The following ARHGEF38 variants were observed in gnomAD, a reference collection of about 807,000 sequenced individuals.
ARHGEF38 encodes Rho guanine nucleotide exchange factor 38.
Under a neutral mutation model 79.9 loss-of-function variants are expected in ARHGEF38, and 79 were observed. That is an observed-to-expected ratio of 0.99 (90% CI 0.82 to 1.19). ARHGEF38 has a LOEUF of 1.19. ARHGEF38 is among the 50% of genes most tolerant of loss of function. ARHGEF38 has a pLI of 0.00. For missense variants in ARHGEF38, 962 were observed against 907.2 expected (o/e 1.06, Z -0.78); for synonymous variants, 366 against 328.3 (o/e 1.11, Z -1.24).
intron 9 of ARHGEF38, among the ~76,000 whole-genome samples, chr4:105,656,046 C>T (rs1015856556): frequency 2.0e-5 from 3 of 151,992 alleles, no homozygotes; most frequent in African/African-American, 7.2e-5. Context: ...GAAAGCTTTG[C>T]TTTTCTTTTT....
At chr4:105,574,999 T>C (rs199315) in intron 1 of ARHGEF38, among the ~76,000 whole-genome samples, 130,101 of 151,250 alleles carry the variant, frequency 0.86, 55,994 homozygotes, top group South Asian at 0.93. Context: ...TGTACACACA[T>C]ACACACACAT....
chr4:105,626,022 C>T (rs1199892046), intron 3 of ARHGEF38, among the ~76,000 whole-genome samples: 1 of 152,174 alleles, frequency 6.6e-6, no homozygotes. Context: ...TGAACACTCT[C>T]GCATGGCCAC....
intron 9 of ARHGEF38, among the ~76,000 whole-genome samples, chr4:105,657,859 T>A (rs1228943646): frequency 6.6e-6 from 1 of 152,172 alleles, no homozygotes; most frequent in African/African-American, 2.4e-5. Context: ...CCATTTAAGT[T>A]AATTAATACA....
intron 1 of ARHGEF38, among the ~76,000 whole-genome samples, chr4:105,570,432 G>A (rs1346160515): frequency 2.0e-5 from 3 of 152,130 alleles, no homozygotes; most frequent in African/African-American, 7.2e-5. Context: ...ACATACCTGA[G>A]ACTGGGTAAT....
At position 105,679,555 on chromosome 4, in the gene ARHGEF38, C is replaced by T; in HGVS notation, c.*1618C>T. The T allele has an allele frequency of 1.9e-6, 2 of 1,071,160 alleles. No homozygotes were observed. Among genetic ancestry groups the T allele is most frequent in the Non-Finnish European group, 2.9e-6 (2 of 686,996 alleles). The allele number at this position is 1,071,160 out of a possible 1,614,324, so 66.4% of individuals were successfully genotyped here. On this transcript the variant is annotated 3_prime_UTR_variant, in exon 14 of 14. Transcript: ENST00000420470. ...ATGTGGGCTAAAGCTGCAGCCAATG[C>T]ATCTATCGCCCCTTTCTCTTCTATC...
chr4:105,601,700 C>G (rs541466499), intron 2 of ARHGEF38, among the ~76,000 whole-genome samples: 1 of 152,168 alleles, frequency 6.6e-6, no homozygotes, highest in Admixed American at 6.6e-5. Flanking sequence ...GTAGGCAGAG[C>G]AGGCATCAGC....
chr4:105,666,155 G>A (rs1730741015), intron 10 of ARHGEF38, 22 bp from the exon 11 acceptor site: 2 of 1,499,998 alleles, frequency 1.3e-6, no homozygotes, highest in Non-Finnish European at 8.8e-7. Context: ...TGGAAACAAT[G>A]CCATATTATT....
rs1730459252 is a variant in ARHGEF38, at chr4:105,659,167, C to A, written c.1347C>A (p.Ser449Arg). 2.7e-5 allele frequency: 41 copies of A among 1,536,042 alleles called. No individual in the cohort carries two copies. The highest frequency in any genetic ancestry group is 3.4e-5 in the Non-Finnish European group (39 of 1,146,904). ...KRYDKLLDCNSYLQRSTGEES... is the reference protein window; with the variant it reads ...KRYDKLLDCNRYLQRSTGEES... ...ATGACAAACTGCTGGATTGCAACAG[C>A]TACCTGCAGCGATCAACGGGAGAGG... The change falls in exon 10 of 14, where the codon AGC (serine) becomes AGA (arginine). Residue 449 changes from serine to arginine, a missense_variant. By Grantham distance (110) the Ser-to-Arg change is moderately radical (BLOSUM62 -1). Coordinates refer to ENST00000420470, the MANE Select transcript of ARHGEF38 (RefSeq NM_001242729.2).
chr4:105,583,722 T>A (rs1726903822), intron 1 of ARHGEF38, among the ~76,000 whole-genome samples: 1 of 152,330 alleles, frequency 6.6e-6, no homozygotes, highest in South Asian at 2.1e-4. Flanking sequence ...ATTTTTTTTT[T>A]ATTGCTGTAT....
rs1392924246 is a variant in ARHGEF38 at position 105,631,565 on chromosome 4, A to G, written c.656+520A>G. The G allele has an allele frequency of 6.1e-6, 6 of 985,296 alleles. No homozygotes were observed. In the East Asian group the frequency reaches 4.5e-4, roughly 74 times the overall value. The allele number at this position is 985,296 out of a possible 1,614,324, so 61.0% of individuals were successfully genotyped here. On this transcript the variant is annotated intron_variant, in intron 4 of 13. Transcript: ENST00000420470. ...TGCCTTCCTTTCTCATCCCTAAAAC[A>G]TTGGTGGGGGAGCTACACAATGTAC...
At position 105,561,426 on chromosome 4, in the gene ARHGEF38, AATAGAATAGAATAGAATAGAATG is replaced by A. The variant is rs1394827527; in HGVS notation, c.196+8466_196+8488del. ...AATAGAATAGAATAGAATAGAATGG[AATAGAATAGAATAGAATAGAATG>A]GAATAGAATAGAATAGAATAGAATA... On this transcript the variant is annotated intron_variant, in intron 1 of 13. Transcript: ENST00000420470. Among the ~76,000 whole-genome samples the A allele has an allele frequency of 4.8e-4, 21 of 43,642 alleles. 2 individuals are homozygous for A. Among genetic ancestry groups the A allele is most frequent in the African/African-American group, 2.1e-3 (19 of 9,080 alleles). The allele number at this position is 43,642 out of a possible 152,430, so 28.6% of individuals were successfully genotyped here.
rs762444769 is a variant in ARHGEF38, at chr4:105,631,066, G to A, written c.656+21G>A. ...TTAAAGTAAGGCCTTTTCAAATGATGATTCCCATCTCCTCTCAGTTGCCTA... is the reference window on the plus strand; with the variant it reads ...TTAAAGTAAGGCCTTTTCAAATGATAATTCCCATCTCCTCTCAGTTGCCTA... On this transcript the variant is annotated intron_variant, in intron 4 of 13. Transcript: ENST00000420470. 4.4e-6 allele frequency: 7 copies of A among 1,597,492 alleles called. No individual in the cohort carries two copies. The African/African-American group carries it at 5.4e-5, about 12-fold the overall frequency.
At chr4:105,663,193 G>T (rs1391687632) in intron 10 of ARHGEF38, among the ~76,000 whole-genome samples, 2 of 152,050 alleles carry the variant, frequency 1.3e-5, no homozygotes, top group African/African-American at 4.8e-5. Context: ...GAACACTAGA[G>T]TACCTTGTTT....
intron 3 of ARHGEF38, among the ~76,000 whole-genome samples, chr4:105,616,625 T>G (rs1338947507): frequency 1.3e-5 from 2 of 152,082 alleles, no homozygotes; most frequent in Non-Finnish European, 2.9e-5. Context: ...AAGATGAGAC[T>G]TGGCAGGGGG....
At chr4:105,668,150 T>TAATA (rs1230571014) in intron 13 of ARHGEF38, among the ~76,000 whole-genome samples, 1 of 152,096 alleles carries the variant, frequency 6.6e-6, no homozygotes, top group Non-Finnish European at 1.5e-5. Context: ...ATCTCATGTA[T>TAATA]AATACCACAC....
At chr4:105,677,339 T>C (rs1731158832) in intron 13 of ARHGEF38, among the ~76,000 whole-genome samples, 1 of 152,310 alleles carries the variant, frequency 6.6e-6, no homozygotes. Flanking sequence ...GCTAAACTTA[T>C]AGTGTTATTC....
intron 1 of ARHGEF38, among the ~76,000 whole-genome samples, chr4:105,573,587 T>C (rs1197634205): frequency 6.6e-6 from 1 of 152,204 alleles, no homozygotes; most frequent in Non-Finnish European, 1.5e-5. Context: ...TTAGTCTGTA[T>C]TTATGCCAGT....
In ARHGEF38 at chr4:105,677,733, C is replaced by A; in HGVS notation, c.2149-19C>A. On this transcript the variant is annotated intron_variant, in intron 13 of 13. Transcript: ENST00000420470. Reference sequence around the variant, plus strand: ...ATTCAGGTTCCAATTCCAATAATGTCTTTTGTTTCTTTGTCTAGATTTTCT... The same window carrying A: ...ATTCAGGTTCCAATTCCAATAATGTATTTTGTTTCTTTGTCTAGATTTTCT... 1 of 1,398,734 alleles carries A rather than the reference C, an allele frequency of 7.1e-7. No individual in the cohort carries two copies. The highest frequency in any genetic ancestry group is 9.4e-7 in the Non-Finnish European group (1 of 1,067,926). The allele number at this position is 1,398,734 out of a possible 1,614,324, so 86.6% of individuals were successfully genotyped here. A position where few individuals can be genotyped will look rare whatever the true frequency, so the allele number is the denominator to read the frequency against.
At chr4:105,630,351 G>T (rs1164824790) in intron 3 of ARHGEF38, among the ~76,000 whole-genome samples, 1 of 151,638 alleles carries the variant, frequency 6.6e-6, no homozygotes, top group Non-Finnish European at 1.5e-5. Flanking sequence ...GGGTTCAAGC[G>T]ATTCTCCTGC....
Sources: allele counts gnomAD v4.1 joint callset (sites outside exome capture counted in the v4.1 genomes callset), GRCh38; gene constraint gnomAD v4.1.1; transcripts MANE v1.5; gene names NCBI Gene and HGNC (gene_info 2026-07-23, HGNC 2026-07-21).